Variants in ESRRG observed in about 807,000 individuals in gnomAD.
ESRRG encodes the protein estrogen related receptor gamma.
ESRRG carries 13 observed loss-of-function variants against 44.0 expected under a neutral mutation model. The ratio of observed to expected loss-of-function variants is 0.30; its 90% CI spans 0.19 to 0.47. The LOEUF (loss-of-function observed/expected upper bound fraction) is 0.47, where lower values mean the gene tolerates loss of function less well. Among genes scored for constraint, ESRRG ranks in the 20% least tolerant of loss-of-function variants. The pLI is 1.00. For missense variants in ESRRG, 395 were observed against 580.6 expected, an observed-to-expected ratio of 0.68 and a Z score of 3.29; for synonymous variants, 215 against 214.6, an observed-to-expected ratio of 1.00 and a Z score of -0.02.
At chr1:216,900,213 G>A (rs113229445) in intron 2 of ESRRG, among the ~76,000 whole-genome samples, 3,489 of 152,250 alleles carry the variant, frequency 0.023, 54 homozygotes, top group Non-Finnish European at 0.036. Context: ...AGACTTTCAT[G>A]GTCAGGAGCT....
intron 1 of ESRRG, among the ~76,000 whole-genome samples, chr1:217,040,029 G>T (rs2083559856): frequency 6.6e-6 from 1 of 152,178 alleles, no homozygotes; most frequent in African/African-American, 2.4e-5. Flanking sequence ...CACAAGAGCA[G>T]GGTGAGAATG....
intron 1 of ESRRG, among the ~76,000 whole-genome samples, chr1:216,703,069 G>A (rs2081736961): frequency 1.3e-5 from 2 of 152,310 alleles, no homozygotes; most frequent in South Asian, 2.1e-4. Context: ...TATAGATGCA[G>A]TTAAAAGATT....
intron 1 of ESRRG, among the ~76,000 whole-genome samples, chr1:216,999,586 G>C (rs1334135100): frequency 1.3e-5 from 2 of 151,994 alleles, no homozygotes; most frequent in African/African-American, 4.8e-5. Flanking sequence ...TAGTTCAAGA[G>C]GTATGTGACA....
intron 1 of ESRRG, among the ~76,000 whole-genome samples, chr1:216,683,809 A>G (rs1198039417): frequency 6.6e-6 from 1 of 152,174 alleles, no homozygotes; most frequent in Non-Finnish European, 1.5e-5. Flanking sequence ...GTAGAGTTCA[A>G]TGGTCCTTTC....
intron 1 of ESRRG, among the ~76,000 whole-genome samples, chr1:217,043,485 A>G (rs2084255335): frequency 6.6e-6 from 1 of 152,216 alleles, no homozygotes; most frequent in Non-Finnish European, 1.5e-5. Context: ...ATTTCCTAAA[A>G]TGAAACACGT....
intron 1 of ESRRG, among the ~76,000 whole-genome samples, chr1:216,974,034 C>T (rs1344818669): frequency 4.6e-5 from 7 of 152,004 alleles, no homozygotes; most frequent in South Asian, 2.1e-4. Context: ...TCACAAACCC[C>T]GGTGTAACTT....
chr1:216,951,427 T>A (rs1423547594), intron 1 of ESRRG, among the ~76,000 whole-genome samples: 2 of 152,182 alleles, frequency 1.3e-5, no homozygotes, highest in East Asian at 3.9e-4. Context: ...GATATATATT[T>A]AAATTTTCCA....
In ESRRG at chr1:216,707,574, AT is replaced by A. The variant is rs1251179653; in HGVS notation, c.56+15669del. 22 of 1,353,010 alleles carry A rather than the reference AT, an allele frequency of 1.6e-5. No homozygotes were observed. The African/African-American group carries it at 2.8e-4, about 17-fold the overall frequency. 83.8% of individuals were successfully genotyped at this position (1,353,010 alleles called of 1,614,324 possible). On this transcript the variant is annotated intron_variant, in intron 1 of 6. Coordinates refer to ENST00000408911, the MANE Select transcript of ESRRG (RefSeq NM_001438.4). Reference sequence around the variant, plus strand: ...CTACAGCTACTTAAGTCCTGAATTTATTTTATGAAGACTGACTCCTTTTTAC... The same window carrying A: ...CTACAGCTACTTAAGTCCTGAATTTATTTATGAAGACTGACTCCTTTTTAC...
At chr1:217,002,311 A>G (rs1222063868) in intron 1 of ESRRG, among the ~76,000 whole-genome samples, 9 of 124,662 alleles carry the variant, frequency 7.2e-5, no homozygotes, top group Admixed American at 1.6e-4. Flanking sequence ...AAAAAAAAAA[A>G]AAAGAAAGAA....
At chr1:216,717,164 C>G (rs571962939) in intron 1 of ESRRG, among the ~76,000 whole-genome samples, 2 of 151,818 alleles carry the variant, frequency 1.3e-5, no homozygotes, top group Non-Finnish European at 3.0e-5. Flanking sequence ...TAAACTCTCT[C>G]AATTCAATAG....
intron 3 of ESRRG, among the ~76,000 whole-genome samples, chr1:216,645,961 T>A (rs1458128107): frequency 3.3e-5 from 5 of 151,908 alleles, no homozygotes; most frequent in African/African-American, 1.2e-4. Flanking sequence ...TTTTAAAATG[T>A]GTGCCACTTG....
intron 1 of ESRRG, among the ~76,000 whole-genome samples, chr1:217,036,950 C>T (rs952360525): frequency 5.9e-5 from 9 of 152,106 alleles, no homozygotes; most frequent in Non-Finnish European, 8.8e-5. Flanking sequence ...CAGTCATGCC[C>T]GAGTTGGGAG....
chr1:217,109,742 T>C (rs1371845478), intron 1 of ESRRG, among the ~76,000 whole-genome samples: 1 of 152,068 alleles, frequency 6.6e-6, no homozygotes, highest in African/African-American at 2.4e-5. Context: ...AGGCATCCAA[T>C]AGTCAAGAAA....
chr1:217,014,277 T>C (rs2079035711), intron 1 of ESRRG, among the ~76,000 whole-genome samples: 1 of 152,112 alleles, frequency 6.6e-6, no homozygotes, highest in Non-Finnish European at 1.5e-5. Flanking sequence ...GGAACAGCTG[T>C]CATTGCAGAG....
intron 2 of ESRRG, among the ~76,000 whole-genome samples, chr1:216,934,145 T>C (rs1169146108): frequency 1.3e-5 from 2 of 152,196 alleles, no homozygotes; most frequent in Non-Finnish European, 2.9e-5. Context: ...GATAAAGACA[T>C]ACCAGAGGCT....
At chr1:216,727,665 G>T (rs2152108672), upstream of ESRRG, among the ~76,000 whole-genome samples, 1 of 152,178 alleles carries the variant, frequency 6.6e-6, no homozygotes, top group East Asian at 1.9e-4. Flanking sequence ...CACAGGCTTT[G>T]ATATTTAAAT....
intron 1 of ESRRG, among the ~76,000 whole-genome samples, chr1:217,008,756 G>C (rs1251692805): frequency 6.6e-6 from 1 of 152,120 alleles, no homozygotes; most frequent in East Asian, 1.9e-4. Flanking sequence ...CACACCTGCA[G>C]GGTTTTGCAC....
intron 4 of ESRRG, among the ~76,000 whole-genome samples, chr1:216,564,985 C>T (rs1180338571): frequency 1.3e-5 from 2 of 152,094 alleles, no homozygotes; most frequent in African/African-American, 4.8e-5. Flanking sequence ...CCCACACACC[C>T]AGCCAGTCTT....
Position 216,708,254 on chromosome 1 carries a change from C to G in ESRRG, c.56+14990G>C, listed in dbSNP as rs537168997. Reference sequence around the variant, plus strand: ...TAAGTATAAATAAAGAATGAAGAAACTAGTATGTAATTACAATTTAAGCCT... The same window carrying G: ...TAAGTATAAATAAAGAATGAAGAAAGTAGTATGTAATTACAATTTAAGCCT... On this transcript the variant is annotated intron_variant, in intron 1 of 6. Coordinates refer to ENST00000408911, the MANE Select transcript of ESRRG (RefSeq NM_001438.4). 4.0e-5 allele frequency among the ~76,000 whole-genome samples: 6 copies of G among 151,700 alleles called. No individual in the cohort carries two copies. In the East Asian group the frequency reaches 1.2e-3, roughly 29 times the overall value.
Sources: allele counts gnomAD v4.1 joint callset (sites outside exome capture counted in the v4.1 genomes callset), GRCh38; gene constraint gnomAD v4.1.1; transcripts MANE v1.5; gene names NCBI Gene and HGNC (gene_info 2026-07-23, HGNC 2026-07-21).